Variants in CDH18 observed in about 807,000 individuals in gnomAD.
The protein encoded by CDH18 is cadherin 18.
CDH18 carries 31 observed loss-of-function variants against 67.9 expected under a neutral mutation model. The ratio of observed to expected loss-of-function variants is 0.46; its 90% CI spans 0.34 to 0.62. The LOEUF (loss-of-function observed/expected upper bound fraction) is 0.62, where lower values mean the gene tolerates loss of function less well. Ranked by LOEUF, CDH18 falls within the 20% of genes least tolerant of loss-of-function variation. CDH18 has a pLI of 0.01. For synonymous variants in CDH18, 362 were observed against 347.2 expected, an observed-to-expected ratio of 1.04 and a Z score of -0.48; for missense variants, 890 against 975.5, an observed-to-expected ratio of 0.91 and a Z score of 1.17.
At chr5:20,519,864 T>G (rs1229616200) in intron 1 of CDH18, among the ~76,000 whole-genome samples, 1 of 151,428 alleles carries the variant, frequency 6.6e-6, no homozygotes, top group East Asian at 1.9e-4. Context: ...GCAGATGTCC[T>G]TTTTTATTTT....
At chr5:19,999,461 G>T (rs959041554) in intron 2 of CDH18, among the ~76,000 whole-genome samples, 1 of 152,130 alleles carries the variant, frequency 6.6e-6, no homozygotes, top group South Asian at 2.1e-4. Flanking sequence ...GATTAGCCGG[G>T]CATGGTGGCA....
intron 1 of CDH18, among the ~76,000 whole-genome samples, chr5:20,548,987 T>C (rs964177469): frequency 6.6e-6 from 1 of 152,140 alleles, no homozygotes; most frequent in East Asian, 1.9e-4. Context: ...TTGGAGAGTT[T>C]AGGCAAAACT....
chr5:19,527,565 T>C (rs956216555), intron 9 of CDH18, among the ~76,000 whole-genome samples: 3 of 151,704 alleles, frequency 2.0e-5, no homozygotes, highest in Non-Finnish European at 4.4e-5. Context: ...ACTGTATCCA[T>C]ATAAAAAGTT....
At chr5:20,462,155 G>A (rs570037038) in intron 1 of CDH18, among the ~76,000 whole-genome samples, 24 of 152,248 alleles carry the variant, frequency 1.6e-4, no homozygotes, top group African/African-American at 2.4e-4. Flanking sequence ...AAGGAAATGT[G>A]GCAAGTATAC....
At chr5:20,506,965 T>C (rs960547466) in intron 1 of CDH18, among the ~76,000 whole-genome samples, 1 of 152,154 alleles carries the variant, frequency 6.6e-6, no homozygotes, top group African/African-American at 2.4e-5. Context: ...AAGATAGGCA[T>C]CTTCTGATTA....
At position 19,873,891 on chromosome 5, in the gene CDH18, G is replaced by A. The variant is rs188660210; in HGVS notation, c.-256-34649C>T. Among the ~76,000 whole-genome samples, 1,106 of 152,064 alleles carry A rather than the reference G, an allele frequency of 7.3e-3. 12 individuals carry two copies. Among genetic ancestry groups the A allele is most frequent in the Non-Finnish European group, 8.0e-3 (543 of 67,962 alleles). ...GCGAACTCCTGAGCTCAGGGAATCCGCCCACCTCGGCCTCCCAAAGTGCTG... is the reference window on the plus strand; with the variant it reads ...GCGAACTCCTGAGCTCAGGGAATCCACCCACCTCGGCCTCCCAAAGTGCTG... On this transcript the variant is annotated intron_variant, in intron 2 of 12. Coordinates refer to ENST00000382275, the MANE Select transcript of CDH18 (RefSeq NM_004934.5).
intron 5 of CDH18, among the ~76,000 whole-genome samples, chr5:19,673,091 T>A (rs936601038): frequency 7.2e-5 from 11 of 152,054 alleles, no homozygotes; most frequent in African/African-American, 2.7e-4. Flanking sequence ...ATTAGTGAAT[T>A]ACTTTTTTTC....
At chr5:20,205,190 C>T (rs1364627390) in intron 2 of CDH18, among the ~76,000 whole-genome samples, 2 of 151,760 alleles carry the variant, frequency 1.3e-5, no homozygotes, top group African/African-American at 4.8e-5. Context: ...GTGTTAAAAC[C>T]GATATTACAT....
At chr5:19,525,247 A>G (rs1747579722) in intron 9 of CDH18, among the ~76,000 whole-genome samples, 2 of 152,110 alleles carry the variant, frequency 1.3e-5, no homozygotes, top group Admixed American at 1.3e-4. Context: ...CTGGGACTGG[A>G]ATGTCTTTTC....
chr5:20,249,867 A>C (rs35625079), intron 2 of CDH18, among the ~76,000 whole-genome samples: 44,028 of 152,016 alleles, frequency 0.29, 7,229 homozygotes, highest in Non-Finnish European at 0.37. Context: ...AAGAGTGTGA[A>C]CATTCTTCAG....
chr5:20,573,319 A>AT (rs1356246288), intron 1 of CDH18, among the ~76,000 whole-genome samples: 1 of 152,030 alleles, frequency 6.6e-6, no homozygotes, highest in Admixed American at 6.6e-5. Context: ...TAATGGTCTC[A>AT]TAAAAACACA....
At chr5:20,417,834 G>A (rs967039752) in intron 1 of CDH18, among the ~76,000 whole-genome samples, 1 of 152,118 alleles carries the variant, frequency 6.6e-6, no homozygotes, top group African/African-American at 2.4e-5. Flanking sequence ...TTAGAGACAG[G>A]TACAAAAGTT....
At chr5:20,492,563 T>A (rs1753658570) in intron 1 of CDH18, among the ~76,000 whole-genome samples, 1 of 152,158 alleles carries the variant, frequency 6.6e-6, no homozygotes, top group South Asian at 2.1e-4. Context: ...AAAGTTCATT[T>A]TTAGATTTAT....
At chr5:20,152,462 G>T (rs1751199872) in intron 2 of CDH18, among the ~76,000 whole-genome samples, 1 of 151,428 alleles carries the variant, frequency 6.6e-6, no homozygotes, top group Admixed American at 6.6e-5. Flanking sequence ...TTTCCTTGTA[G>T]ACGTAAAGAT....
At chr5:20,480,483 T>C (rs544116833) in intron 1 of CDH18, among the ~76,000 whole-genome samples, 3 of 152,142 alleles carry the variant, frequency 2.0e-5, no homozygotes, top group Non-Finnish European at 4.4e-5. Flanking sequence ...AATGGGGTGA[T>C]CCTAGCTCAC....
At chr5:20,064,033 GTTGTA>G (rs1174036837) in intron 2 of CDH18, among the ~76,000 whole-genome samples, 5 of 152,148 alleles carry the variant, frequency 3.3e-5, no homozygotes, top group African/African-American at 1.2e-4. Context: ...TGTTCCTTAT[GTTGTA>G]TTGTAATTTG....
chr5:20,559,494 TAGAC>T (rs879648827), intron 1 of CDH18, among the ~76,000 whole-genome samples: 1 of 152,112 alleles, frequency 6.6e-6, no homozygotes, highest in Admixed American at 6.6e-5. Flanking sequence ...GCACTTGTTT[TAGAC>T]AGTTCCAAAA....
chr5:20,404,035 C>G (rs1562037306), intron 1 of CDH18, among the ~76,000 whole-genome samples: 1 of 152,182 alleles, frequency 6.6e-6, no homozygotes, highest in South Asian at 2.1e-4. Context: ...TTGCGTATCT[C>G]CATTATGGAG....
At chr5:19,590,694 C>A (rs978630230) in intron 7 of CDH18, among the ~76,000 whole-genome samples, 2 of 152,060 alleles carry the variant, frequency 1.3e-5, no homozygotes, top group African/African-American at 4.8e-5. Flanking sequence ...AACAGAATCA[C>A]CACAGCTTTA....
Sources: gnomAD v4.1 joint callset for allele counts (sites outside exome capture counted in the v4.1 genomes callset) on GRCh38, gnomAD v4.1.1 for gene constraint, MANE v1.5 for transcripts, NCBI Gene and HGNC (gene_info 2026-07-23, HGNC 2026-07-21) for gene names.